NFYC: variants seen among roughly 807,000 people sequenced by gnomAD.
The protein encoded by NFYC is nuclear transcription factor Y subunit gamma.
A neutral mutation model predicts 53.1 loss-of-function variants in NFYC; 25 were observed. The ratio of observed to expected loss-of-function variants is 0.47; its 90% confidence interval spans 0.34 to 0.66. The LOEUF is 0.66. Ranked by LOEUF, NFYC falls within the 30% of genes least tolerant of loss-of-function variation. The pLI, the probability that NFYC is intolerant of heterozygous loss-of-function variation, is 0.01. For missense variants in NFYC, 260 were observed against 422.7 expected (o/e 0.62, Z 3.38); for synonymous variants, 145 against 152.6 (o/e 0.95, Z 0.37).
chr1:40,749,555 G>A lies in NFYC; in HGVS notation c.178-18G>A, dbSNP rs1300823661. ...TGACTTGCTGGTGATTGACAGGGAG[G>A]GCCTGTGTCTGTTACAGATGATCAG... On this transcript the variant is annotated intron_variant, in intron 3 of 9. Transcript: ENST00000447388. 3 of 1,591,612 alleles carry A rather than the reference G, an allele frequency of 1.9e-6. No individual in the cohort carries two copies. The highest frequency in any genetic ancestry group is 2.2e-5 in the South Asian group (2 of 90,626).
chr1:40,732,880 T>A (rs1245221312), intron 1 of NFYC, among the ~76,000 whole-genome samples: 1 of 152,188 alleles, frequency 6.6e-6, no homozygotes, highest in Non-Finnish European at 1.5e-5. Context: ...TCAGGTAGAT[T>A]TCTGATTGCA....
At chr1:40,724,682 C>T (rs4660448) in intron 1 of NFYC, among the ~76,000 whole-genome samples, 32,736 of 152,106 alleles carry the variant, frequency 0.22, 4,151 homozygotes, top group South Asian at 0.41. Context: ...CATGCCTTCC[C>T]GTCACTTTCA....
intron 1 of NFYC, among the ~76,000 whole-genome samples, chr1:40,717,219 G>C (rs1644169512): frequency 1.3e-5 from 2 of 152,196 alleles, no homozygotes; most frequent in African/African-American, 4.8e-5. Flanking sequence ...GCCCAAAAAT[G>C]TCTGACTCTA....
chr1:40,744,638 G>A (rs1308136040), intron 2 of NFYC, among the ~76,000 whole-genome samples: 1 of 152,206 alleles, frequency 6.6e-6, no homozygotes, highest in Non-Finnish European at 1.5e-5. Context: ...GTAGTGGTCA[G>A]GAGCATGAGA....
rs1645677957 is a variant in NFYC at position 40,747,520 on chromosome 1, G to A, written c.106-14G>A. The A allele has an allele frequency of 1.2e-6, 2 of 1,601,172 alleles. No homozygotes were observed. The highest frequency in any genetic ancestry group is 1.7e-6 in the Non-Finnish European group (2 of 1,168,538). On this transcript the variant is annotated splice_polypyrimidine_tract_variant and intron_variant, in intron 2 of 9. Coordinates refer to ENST00000447388, the MANE Select transcript of NFYC (RefSeq NM_014223.5). The stretch of plus-strand genomic sequence containing the variant: ...TGTCCCCACCATTTATGCATCTCTT[G>A]TTGTTCATTTCAGAAAGACTTCCGA...
At chr1:40,766,784 A>G (rs1205301252) in intron 8 of NFYC, 81 bp downstream of exon 8, 27 of 1,504,506 alleles carry the variant, frequency 1.8e-5, no homozygotes, top group Non-Finnish European at 2.5e-5. Context: ...CTCAGCACAC[A>G]GCTGTCTTGC....
intron 8 of NFYC, 76 bp downstream of exon 8, chr1:40,766,779 C>A: frequency 6.6e-7 from 1 of 1,510,592 alleles, no homozygotes; most frequent in Non-Finnish European, 9.2e-7. Context: ...GAGCGCTCAG[C>A]ACACAGCTGT....
chr1:40,719,296 CATT>C (rs1644251667), intron 1 of NFYC, among the ~76,000 whole-genome samples: 1 of 152,220 alleles, frequency 6.6e-6, no homozygotes, highest in Non-Finnish European at 1.5e-5. Context: ...ATTAAAATAA[CATT>C]ATCACCATGT....
chr1:40,740,253 G>A (rs1291810872), intron 2 of NFYC, among the ~76,000 whole-genome samples: 1 of 152,056 alleles, frequency 6.6e-6, no homozygotes, highest in African/African-American at 2.4e-5. Flanking sequence ...AACTTCTGAC[G>A]TTACAATGTC....
chr1:40,703,164 A>T (rs560052956), intron 1 of NFYC, among the ~76,000 whole-genome samples: 2 of 152,162 alleles, frequency 1.3e-5, no homozygotes, highest in East Asian at 3.9e-4. Context: ...AAATAGAAAG[A>T]TTTGACATTA....
intron 1 of NFYC, among the ~76,000 whole-genome samples, chr1:40,711,627 C>T (rs528810667): frequency 9.7e-4 from 147 of 152,302 alleles, no homozygotes; most frequent in African/African-American, 3.4e-3. Context: ...ATGGGCATGC[C>T]TGTACAAAAC....
intron 5 of NFYC, among the ~76,000 whole-genome samples, chr1:40,756,721 A>G (rs1442091000): frequency 2.0e-5 from 3 of 152,206 alleles, no homozygotes; most frequent in Non-Finnish European, 2.9e-5. Flanking sequence ...AGAATTTGTC[A>G]TATCAGCAAG....
rs915325028 is a variant in NFYC, at chr1:40,770,513, C to G, written c.889-196C>G. 7 of 1,555,984 alleles carry G rather than the reference C, an allele frequency of 4.5e-6. No homozygotes were observed. Among genetic ancestry groups the G allele is most frequent in the African/African-American group, 4.1e-5 (3 of 73,154 alleles). ...CCTCTTCCCTGCCCACCACACACCCCCCCTCACACCGGGCTGGTGCCTCCT... is the reference window on the plus strand; with the variant it reads ...CCTCTTCCCTGCCCACCACACACCCGCCCTCACACCGGGCTGGTGCCTCCT... On this transcript the variant is annotated intron_variant, in intron 9 of 9. Coordinates refer to ENST00000447388, the MANE Select transcript of NFYC (RefSeq NM_014223.5). The surrounding 1 kb of genome is among the most constrained non-coding windows in gnomAD (Gnocchi z 5.3).
At chr1:40,746,494 A>G (rs1386755729) in intron 2 of NFYC, among the ~76,000 whole-genome samples, 3 of 152,224 alleles carry the variant, frequency 2.0e-5, no homozygotes, top group African/African-American at 7.2e-5. Flanking sequence ...AATCTGAAAT[A>G]ATATATGCTC....
intron 1 of NFYC, among the ~76,000 whole-genome samples, chr1:40,714,294 A>T (rs1644042659): frequency 6.6e-6 from 1 of 152,214 alleles, no homozygotes; most frequent in African/African-American, 2.4e-5. Flanking sequence ...GTTTATAGAC[A>T]CCCAAAATAA....
chr1:40,721,157 GA>G (rs35737767), intron 1 of NFYC, among the ~76,000 whole-genome samples: 2 of 152,016 alleles, frequency 1.3e-5, no homozygotes, highest in African/African-American at 4.8e-5. Context: ...TTCTTGGGGA[GA>G]AAAAAAATTT....
At position 40,692,768 on chromosome 1, in the gene NFYC, G is replaced by A. The variant is rs1478149413; in HGVS notation, c.-9+901G>A. Among the ~76,000 whole-genome samples the A allele has an allele frequency of 5.9e-5, 9 of 152,264 alleles. 1 individual carries two copies. The South Asian group carries it at 1.7e-3, about 28-fold the overall frequency. On this transcript the variant is annotated intron_variant, in intron 1 of 9. Transcript: ENST00000447388. The stretch of plus-strand genomic sequence containing the variant: ...TGCTATTGAGAAGTGTGCTCTGTCC[G>A]AGCCTAGGAAGCACAGCATTAAGTA...
chr1:40,742,009 C>A (rs951092009), intron 2 of NFYC, among the ~76,000 whole-genome samples: 1 of 151,960 alleles, frequency 6.6e-6, no homozygotes, highest in Non-Finnish European at 1.5e-5. Context: ...GCTCAAGGGA[C>A]CCTTCCTACT....
chr1:40,771,417 A>T lies in NFYC; in HGVS notation c.*589A>T. ...AACATTCTTTGCATTTAAGAGACAG[A>T]TTTATTCCCTGTGGAGAGTGGGTGG... On this transcript the variant is annotated 3_prime_UTR_variant, in exon 10 of 10. Coordinates refer to ENST00000447388, the MANE Select transcript of NFYC (RefSeq NM_014223.5). 2.1e-6 allele frequency: 1 copy of T among 470,962 alleles called. No homozygotes were observed. Among genetic ancestry groups the T allele is most frequent in the Non-Finnish European group, 4.4e-6 (1 of 226,958 alleles). The allele number at this position is 470,962 out of a possible 1,614,324, so 29.2% of individuals were successfully genotyped here. A position where few individuals can be genotyped will look rare whatever the true frequency, so the allele number is the denominator to read the frequency against.
Sources: gnomAD v4.1 joint callset for allele counts (sites outside exome capture counted in the v4.1 genomes callset) on GRCh38, gnomAD v4.1.1 for gene constraint, Gnocchi (gnomAD v3.1) non-coding constraint, MANE v1.5 for transcripts, NCBI Gene and HGNC (gene_info 2026-07-23, HGNC 2026-07-21) for gene names.